Variants in CTNNA2 observed in about 807,000 individuals in gnomAD.
CTNNA2 encodes the protein catenin alpha 2.
In CTNNA2, 42 loss-of-function variants were observed where a neutral mutation model predicts 101.0. The observed-to-expected ratio is 0.42, with a 90% CI of 0.32 to 0.54. The LOEUF (loss-of-function observed/expected upper bound fraction) is 0.54. Ranked by LOEUF, CTNNA2 falls within the 20% of genes least tolerant of loss-of-function variation. CTNNA2 has a pLI of 0.14. For synonymous variants in CTNNA2, 450 were observed against 456.4 expected, an observed-to-expected ratio of 0.99 and a Z score of 0.18; for missense variants, 871 against 1,223.1, an observed-to-expected ratio of 0.71 and a Z score of 4.29.
chr2:79,743,532 A>AT (rs1477071456), intron 2 of CTNNA2, among the ~76,000 whole-genome samples: 4 of 143,214 alleles, frequency 2.8e-5, no homozygotes, highest in Non-Finnish European at 6.1e-5. Flanking sequence ...TATTTATTTT[A>AT]TTTATTTTTT....
At chr2:80,553,689 A>AT (rs930535500) in intron 11 of CTNNA2, among the ~76,000 whole-genome samples, 1 of 152,152 alleles carries the variant, frequency 6.6e-6, no homozygotes, top group African/African-American at 2.4e-5. Flanking sequence ...CGGATGTGTG[A>AT]TTTTGACACA....
chr2:79,882,444 A>G lies in CTNNA2; in HGVS notation c.852+8102A>G, dbSNP rs190880118. On this transcript the variant is annotated intron_variant, in intron 6 of 18. Transcript: ENST00000402739. ...AGTTGCTGCAGGGAAGCCCCACCCA[A>G]TGAGGATGGATGGGTCAGGCTCAGG... Among the ~76,000 whole-genome samples, 476 of 152,218 alleles carry G rather than the reference A, an allele frequency of 3.1e-3. 2 individuals are homozygous for G. The highest frequency in any genetic ancestry group is 3.8e-3 in the Non-Finnish European group (256 of 68,008).
intron 3 of CTNNA2, among the ~76,000 whole-genome samples, chr2:79,352,352 T>C (rs1323792012): frequency 6.6e-6 from 1 of 152,110 alleles, no homozygotes. Flanking sequence ...TTTTTTCTGG[T>C]TTTCCTAATT....
chr2:79,185,613 A>G (rs1673767322), intron 1 of CTNNA2: 1 of 152,234 alleles, frequency 6.6e-6, no homozygotes, highest in Non-Finnish European at 1.5e-5. Context: ...ATTACAGCCT[A>G]TCATATCTAG....
chr2:79,405,785 G>C (rs1678334749), intron 4 of CTNNA2, among the ~76,000 whole-genome samples: 1 of 152,028 alleles, frequency 6.6e-6, no homozygotes, highest in Admixed American at 6.6e-5. Context: ...ACCCAGTTAT[G>C]CTGTTCCCAG....
intron 7 of CTNNA2, among the ~76,000 whole-genome samples, chr2:80,354,495 G>A (rs933961702): frequency 9.9e-5 from 15 of 152,122 alleles, no homozygotes; most frequent in African/African-American, 3.6e-4. Flanking sequence ...GTGGATTTCT[G>A]GAGATAGAAT....
chr2:80,611,405 T>C (rs1698459804), intron 17 of CTNNA2, among the ~76,000 whole-genome samples: 1 of 151,564 alleles, frequency 6.6e-6, no homozygotes, highest in Admixed American at 6.6e-5. Context: ...CTTGAATTAG[T>C]TTAGTGCAAG....
chr2:80,277,539 A>G (rs556124372), intron 7 of CTNNA2, among the ~76,000 whole-genome samples: 6 of 135,616 alleles, frequency 4.4e-5, no homozygotes, highest in African/African-American at 1.7e-4. Flanking sequence ...GGAGAGACTC[A>G]GGGAAGGATT....
intron 1 of CTNNA2, among the ~76,000 whole-genome samples, chr2:79,568,072 A>AT (rs1346379970): frequency 1.3e-5 from 2 of 151,804 alleles, no homozygotes; most frequent in Non-Finnish European, 2.9e-5. Flanking sequence ...AGGTTGGTAA[A>AT]TTTTTTTCTC....
Position 80,303,816 on chromosome 2 carries a change from C to A in CTNNA2, c.1057-89395C>A. ...AGACAGAGACCGAGCAGCAGGAAAT[C>A]CATTAGCGAGAATCTTTCCAGAGAG... On this transcript the variant is annotated intron_variant, in intron 7 of 18. Transcript: ENST00000402739. The surrounding 1 kb of genome is among the most constrained non-coding windows in gnomAD (Gnocchi z 7.7). 6.6e-7 allele frequency: 1 copy of A among 1,507,090 alleles called. No individual in the cohort carries two copies. Among genetic ancestry groups the A allele is most frequent in the Non-Finnish European group, 8.9e-7 (1 of 1,127,966 alleles). The allele number at this position is 1,507,090 out of a possible 1,614,324, so 93.4% of individuals were successfully genotyped here.
intron 2 of CTNNA2, among the ~76,000 whole-genome samples, chr2:79,670,469 C>G (rs1558822236): frequency 6.6e-6 from 1 of 152,134 alleles, no homozygotes; most frequent in Non-Finnish European, 1.5e-5. Flanking sequence ...AAGACTGACT[C>G]CATGGAGTGT....
chr2:80,092,060 A>C (rs887568302), intron 7 of CTNNA2, among the ~76,000 whole-genome samples: 1 of 152,074 alleles, frequency 6.6e-6, no homozygotes, highest in African/African-American at 2.4e-5. Flanking sequence ...ACGACAAATG[A>C]TCATTATTAA....
At chr2:79,991,615 T>C (rs545701579) in intron 7 of CTNNA2, among the ~76,000 whole-genome samples, 27 of 152,298 alleles carry the variant, frequency 1.8e-4, no homozygotes, top group Non-Finnish European at 5.9e-5. Context: ...ATAAATGTGT[T>C]TGTGTTATTA....
intron 18 of CTNNA2, among the ~76,000 whole-genome samples, chr2:80,620,830 T>C (rs556653061): frequency 4.6e-5 from 7 of 151,908 alleles, no homozygotes; most frequent in Non-Finnish European, 1.0e-4. Context: ...TTTCAAACCC[T>C]TGGGACACAA....
At chr2:79,917,532 C>A (rs771623759) in intron 7 of CTNNA2, among the ~76,000 whole-genome samples, 50 of 152,292 alleles carry the variant, frequency 3.3e-4, no homozygotes, top group Non-Finnish European at 4.9e-4. Flanking sequence ...ATGGCACTTA[C>A]AATTCTGTTT....
intron 4 of CTNNA2, among the ~76,000 whole-genome samples, chr2:79,451,023 A>G (rs1276824574): frequency 2.0e-5 from 3 of 152,046 alleles, no homozygotes; most frequent in Admixed American, 2.0e-4. Flanking sequence ...AATTCACCTA[A>G]TGTGTACATC....
intron 8 of CTNNA2, among the ~76,000 whole-genome samples, chr2:80,412,449 G>A (rs1012575110): frequency 6.6e-6 from 1 of 152,212 alleles, no homozygotes; most frequent in East Asian, 1.9e-4. Flanking sequence ...GGAACATGAG[G>A]AGTAGACTAC....
At chr2:80,037,917 AGAAT>A (rs1695774076) in intron 7 of CTNNA2, among the ~76,000 whole-genome samples, 1 of 152,368 alleles carries the variant, frequency 6.6e-6, no homozygotes, top group East Asian at 1.9e-4. Flanking sequence ...AAATAGGCTT[AGAAT>A]GATGTGTGAA....
At chr2:80,041,779 A>G (rs1277805873) in intron 7 of CTNNA2, among the ~76,000 whole-genome samples, 2 of 152,180 alleles carry the variant, frequency 1.3e-5, no homozygotes, top group Non-Finnish European at 2.9e-5. Context: ...ACCCCCTGGA[A>G]GATATTTATA....
Sources: gnomAD v4.1 joint callset for allele counts (sites outside exome capture counted in the v4.1 genomes callset) on GRCh38, gnomAD v4.1.1 for gene constraint, Gnocchi (gnomAD v3.1) non-coding constraint, MANE v1.5 for transcripts, NCBI Gene and HGNC (gene_info 2026-07-23, HGNC 2026-07-21) for gene names.